XRCC3: variants seen among roughly 807,000 people sequenced by gnomAD.
XRCC3 encodes X-ray repair cross complementing 3, also known as DNA repair protein XRCC3.
A neutral mutation model predicts 29.2 loss-of-function variants in XRCC3; 34 were observed. The ratio of observed to expected loss-of-function variants is 1.16; its 90% CI spans 0.88 to 1.55. The LOEUF (loss-of-function observed/expected upper bound fraction) is 1.55, where lower values mean the gene tolerates loss of function less well. Among genes scored for constraint, XRCC3 ranks in the 40% most tolerant of loss-of-function variants. The pLI is 0.00. For synonymous variants in XRCC3, 223 were observed against 211.3 expected, an observed-to-expected ratio of 1.06 and a Z score of -0.48; for missense variants, 463 against 467.6, an observed-to-expected ratio of 0.99 and a Z score of 0.09.
At chr14:103,706,328 C>T (rs1233598105) in intron 6 of XRCC3, 2 of 455,986 alleles carry the variant, frequency 4.4e-6, no homozygotes, top group East Asian at 7.0e-5. Context: ...GGGAAGTGAG[C>T]CTAGCAGATG....
In XRCC3 at chr14:103,707,128, C is replaced by T. The variant is rs3212057; in HGVS notation, c.281G>A (p.Arg94His). Residue 94 changes from arginine (R) to histidine (H), a missense_variant, in exon 6 of 10, where the codon CGC (arginine) becomes CAC (histidine). Arg to His is a conservative substitution (Grantham distance 29). Transcript: ENST00000555055. ...LGCPVLDALL[R>H]GGLPLDGITE... ...GATGCCGTCCAGGGGCAGGCCACCG[C>T]GGAGCAGCGCGTCCAGCACCGGGCA... 1.1e-3 allele frequency: 1,752 copies of T among 1,549,774 alleles called. 16 individuals carry two copies. In the African/African-American group the frequency reaches 0.022, roughly 19 times the overall value.
At position 103,703,301 on chromosome 14, in the gene XRCC3, C is replaced by A. The variant is rs149963487; in HGVS notation, c.433G>T (p.Ala145Ser). The change falls in exon 7 of 10, where the codon GCC becomes TCC. Residue 145 changes from alanine (A) to serine (S), a missense_variant. Coordinates refer to ENST00000555055, the MANE Select transcript of XRCC3 (RefSeq NM_005432.4). ...AGAVYICTED[A>S]FPHKRLQQLM... is the part of the protein sequence containing the mutation. ...TGCTGCAGGCGCTTGTGCGGGAAGGCGTCTTCCGTGCAGATGTAGACGGCT... is the reference window on the plus strand; with the variant it reads ...TGCTGCAGGCGCTTGTGCGGGAAGGAGTCTTCCGTGCAGATGTAGACGGCT... 1 of 1,554,864 alleles carries A rather than the reference C, an allele frequency of 6.4e-7. No homozygotes were observed. The highest frequency in any genetic ancestry group is 8.7e-7 in the Non-Finnish European group (1 of 1,152,642).
intron 4 of XRCC3, chr14:103,709,444 C>G (rs991849924): frequency 1.3e-5 from 2 of 154,180 alleles, no homozygotes; most frequent in African/African-American, 4.8e-5. Flanking sequence ...GGACTTACAC[C>G]CACCACATCA....
At chr14:103,708,410 C>A in intron 5 of XRCC3, 112 bp downstream of exon 5, 1 of 1,496,336 alleles carries the variant, frequency 6.7e-7, no homozygotes, top group African/African-American at 1.4e-5. Flanking sequence ...AGCTGCCACA[C>A]GCCCTGAGGC....
chr14:103,706,534 T>C (rs1025741057), intron 6 of XRCC3: 1 of 404,226 alleles, frequency 2.5e-6, no homozygotes, highest in East Asian at 7.0e-5. Context: ...GCAGGCATGC[T>C]CTGAACGCTT....
chr14:103,704,283 G>C (rs1056501020), intron 6 of XRCC3: 1 of 152,334 alleles, frequency 6.6e-6, no homozygotes, highest in African/African-American at 2.4e-5. Flanking sequence ...CAGGCTGCTG[G>C]GGGTGGGGGC....
Position 103,698,624 on chromosome 14 carries a change from G to T in XRCC3, c.*174C>A. On this transcript the variant is annotated 3_prime_UTR_variant, in exon 10 of 10. Transcript: ENST00000555055. ...GGCAGAACATCCCCCCAGCTCAGAT[G>T]GGGGTCAGTCTGTGGCCACCATCTT... 1 of 659,760 alleles carries T rather than the reference G, an allele frequency of 1.5e-6. No individual in the cohort carries two copies. The highest frequency in any genetic ancestry group is 2.7e-6 in the Non-Finnish European group (1 of 375,872). The allele number at this position is 659,760 out of a possible 1,614,324, so 40.9% of individuals were successfully genotyped here.
At position 103,708,570 on chromosome 14, in the gene XRCC3, A is replaced by G; in HGVS notation, c.145T>C (p.Leu49=). Residue 49 remains leucine, a synonymous_variant, in exon 5 of 10, where the codon TTG becomes CTG. Transcript: ENST00000555055. ...TNLSSPEVWH[L]LRTASLHLRG... is the part of the protein sequence containing the mutation. ...AAGTGTAAGGAGGCCGTTCTCAGCA[A>G]GTGCCAGACCTCGGGGCTGGAGAGG... The G allele has an allele frequency of 1.2e-6, 2 of 1,614,152 alleles. No homozygotes were observed. Among genetic ancestry groups the G allele is most frequent in the Non-Finnish European group, 1.7e-6 (2 of 1,180,022 alleles).
chr14:103,703,244 C>A lies in XRCC3; in HGVS notation c.490G>T (p.Asp164Tyr), dbSNP rs1490083308. The A allele has an allele frequency of 1.3e-6, 2 of 1,564,032 alleles. No homozygotes were observed. The highest frequency in any genetic ancestry group is 1.7e-6 in the Non-Finnish European group (2 of 1,155,118). The change falls in exon 7 of 10, where the codon GAC becomes TAC. Residue 164 changes from aspartate to tyrosine, a missense_variant. Coordinates refer to ENST00000555055, the MANE Select transcript of XRCC3 (RefSeq NM_005432.4). ...TTCTGAAGCAGCTCTCCTGGAACGT[C>A]AGTGCGCAGCCGCGGCTGCTGGGCC... The part of the protein sequence containing the change: ...LMAQQPRLRT[D>Y]VPGELLQKLR...
chr14:103,703,494 A>G (rs3212086), intron 6 of XRCC3, 167 bp from the exon 7 acceptor site: 3 of 781,728 alleles, frequency 3.8e-6, no homozygotes, highest in African/African-American at 3.4e-5. Context: ...TCACCCTCCC[A>G]CTGGCAGCCA....
chr14:103,701,251 AGCTGGCCC>A, intron 7 of XRCC3: 2 of 1,544,206 alleles, frequency 1.3e-6, no homozygotes, highest in Non-Finnish European at 1.8e-6. Context: ...TGTGGCCCGG[AGCTGGCCC>A]GGGACAGCCA....
At chr14:103,703,099 G>A (rs1054591004) in intron 7 of XRCC3, 74 bp downstream of exon 7, 19 of 1,536,846 alleles carry the variant, frequency 1.2e-5, no homozygotes, top group Middle Eastern at 1.7e-4. Context: ...CCCCATTGCC[G>A]TGGTGGCTAC....
Position 103,699,121 on chromosome 14 carries a change from G to C in XRCC3, c.821+12C>G, listed in dbSNP as rs779590080. ...CTGCACAGAGGTGCACACACCACAT[G>C]GCTGCACTCACCCCAGCGGCCCGTG... On this transcript the variant is annotated intron_variant, in intron 9 of 9. Transcript: ENST00000555055. The C allele has an allele frequency of 6.4e-7, 1 of 1,572,884 alleles. No homozygotes were observed. Among genetic ancestry groups the C allele is most frequent in the East Asian group, 2.3e-5 (1 of 42,564 alleles).
chr14:103,709,104 A>G (rs2083540036), intron 4 of XRCC3: 1 of 332,290 alleles, frequency 3.0e-6, no homozygotes, highest in Admixed American at 4.4e-5. Context: ...GAGCCGCGGG[A>G]GAGGACATGT....
At chr14:103,714,365 G>A (rs1476064811) in intron 1 of XRCC3, 1 of 152,258 alleles carries the variant, frequency 6.6e-6, no homozygotes, top group Non-Finnish European at 1.5e-5. Context: ...CACTGCTGAT[G>A]CCTGTCATCC....
intron 5 of XRCC3, 140 bp downstream of exon 5, chr14:103,708,382 G>T: frequency 7.8e-7 from 1 of 1,276,806 alleles, no homozygotes; most frequent in Non-Finnish European, 1.1e-6. Flanking sequence ...AGCAAGATGG[G>T]AACTCTGGGG....
intron 4 of XRCC3, chr14:103,710,742 CAAA>C (rs374609724): frequency 3.5e-5 from 11 of 310,398 alleles, no homozygotes; most frequent in Non-Finnish European, 5.3e-5. Flanking sequence ...ACCCCGTCTC[CAAA>C]AAAAAAAAAC....
intron 6 of XRCC3, chr14:103,705,512 C>G (rs1212717734): frequency 6.6e-6 from 1 of 152,280 alleles, no homozygotes; most frequent in Non-Finnish European, 1.5e-5. Context: ...CCGCCTGCCG[C>G]TTTCTTTTCA....
At position 103,707,046 on chromosome 14, in the gene XRCC3, G is replaced by A. The variant is rs746881409; in HGVS notation, c.363C>T (p.Cys121=). 19 of 1,566,330 alleles carry A rather than the reference G, an allele frequency of 1.2e-5. No individual in the cohort carries two copies. Among genetic ancestry groups the A allele is most frequent in the Non-Finnish European group, 1.5e-5 (17 of 1,158,744 alleles). The change falls in exon 6 of 10, where the codon TGC becomes TGT. Residue 121 remains cysteine (C), a synonymous_variant. Coordinates refer to ENST00000555055, the MANE Select transcript of XRCC3 (RefSeq NM_005432.4). ...GCTGCCGCGGGAACTGCACAGCCAGGCAGAGCTGCAGCGCCAGCTGGGTCT... is the reference window on the plus strand; with the variant it reads ...GCTGCCGCGGGAACTGCACAGCCAGACAGAGCTGCAGCGCCAGCTGGGTCT... ...AGKTQLALQL[C]LAVQFPRQHG... is the part of the protein sequence containing the mutation.
Sources: gnomAD v4.1 joint callset for allele counts on GRCh38, gnomAD v4.1.1 for gene constraint, MANE v1.5 for transcripts, NCBI Gene and HGNC (gene_info 2026-07-23, HGNC 2026-07-21) for gene names.